PRKAR1A: variants seen among roughly 807,000 people sequenced by gnomAD.
The protein encoded by PRKAR1A is protein kinase cAMP-dependent type I regulatory subunit alpha.
A neutral mutation model predicts 52.0 loss-of-function variants in PRKAR1A; 3 were observed. That is an observed-to-expected ratio of 0.06 (90% CI 0.03 to 0.15). The LOEUF is 0.15. Among genes scored for constraint, PRKAR1A ranks in the 10% least tolerant of loss-of-function variants. PRKAR1A has a pLI of 1.00. For synonymous variants in PRKAR1A, 188 were observed against 168.4 expected (o/e 1.12, Z -0.90); for missense variants, 240 against 477.4 (o/e 0.50, Z 4.63).
At chr17:68,469,897 A>T in the PRKAR1A span, among the ~76,000 whole-genome samples, 1 of 152,184 alleles carries the variant, frequency 6.6e-6, no homozygotes, top group Non-Finnish European at 1.5e-5. Flanking sequence ...TACAAAACAC[A>T]GGGAGAACAG....
the PRKAR1A span, among the ~76,000 whole-genome samples, chr17:68,431,797 T>G: frequency 6.6e-6 from 1 of 152,248 alleles, no homozygotes; most frequent in Admixed American, 6.5e-5. Flanking sequence ...CAGAACAGCT[T>G]GGAGGTTCTG....
At chr17:68,437,947 TTAAAAAAAAA>T in the PRKAR1A span, among the ~76,000 whole-genome samples, 4 of 58,810 alleles carry the variant, frequency 6.8e-5, 1 homozygote, top group South Asian at 1.9e-3. Flanking sequence ...GACATCTCTC[TTAAAAAAAAA>T]AAAAAAAAAA....
At chr17:68,477,054 A>T in the PRKAR1A span, among the ~76,000 whole-genome samples, 1 of 152,186 alleles carries the variant, frequency 6.6e-6, no homozygotes, top group Non-Finnish European at 1.5e-5. Flanking sequence ...TTCATTTACA[A>T]ATTTTTAGAC....
the PRKAR1A span, among the ~76,000 whole-genome samples, chr17:68,418,838 G>A: frequency 7.5e-4 from 114 of 152,152 alleles, 1 homozygote; most frequent in Admixed American, 7.4e-3. Flanking sequence ...TGCTTCTCCT[G>A]AGCAACTGAT....
At chr17:68,542,285 AAAG>A (rs554192643) in intron 11 of PRKAR1A, 132 of 1,077,792 alleles carry the variant, frequency 1.2e-4, no homozygotes, top group Admixed American at 7.9e-4. Flanking sequence ...TCGGGAAGAG[AAAG>A]AAGAAGAAGG....
chr17:68,468,567 C>A, the PRKAR1A span, among the ~76,000 whole-genome samples: 1 of 152,184 alleles, frequency 6.6e-6, no homozygotes, highest in Non-Finnish European at 1.5e-5. Context: ...GGCAAATGCT[C>A]ATTGGCTAAA....
In PRKAR1A at chr17:68,533,123, T is replaced by A; in HGVS notation, c.*2674T>A. ...TTCTAGATTAGCATACTCTTTGGTT[T>A]AAATTTAATATATACATTTAATGTT... On this transcript the variant is annotated 3_prime_UTR_variant, in exon 11 of 11. Transcript: ENST00000589228. The A allele has an allele frequency of 4.7e-6, 5 of 1,062,602 alleles. No homozygotes were observed. The highest frequency in any genetic ancestry group is 5.7e-6 in the Non-Finnish European group (5 of 876,982). 65.8% of individuals were successfully genotyped at this position (1,062,602 alleles called of 1,614,324 possible).
At chr17:68,463,488 A>G in the PRKAR1A span, among the ~76,000 whole-genome samples, 1 of 152,216 alleles carries the variant, frequency 6.6e-6, no homozygotes, top group Non-Finnish European at 1.5e-5. Flanking sequence ...GACGCTGTCC[A>G]AAATAAATAA....
chr17:68,531,661 T>G lies in PRKAR1A; in HGVS notation c.*1212T>G, dbSNP rs8905. Reference sequence around the variant, plus strand: ...AAATTGGTCTGAAAGGCTATCCTGCTGAAAGTCCTGCTTTCCTATCTAGCA... The same window carrying G: ...AAATTGGTCTGAAAGGCTATCCTGCGGAAAGTCCTGCTTTCCTATCTAGCA... On this transcript the variant is annotated 3_prime_UTR_variant, in exon 11 of 11. Coordinates refer to ENST00000589228, the MANE Select transcript of PRKAR1A (RefSeq NM_002734.5). The G allele has an allele frequency of 0.12, 129,850 of 1,066,036 alleles. 8,001 individuals are homozygous for G. Among genetic ancestry groups the G allele is most frequent in the African/African-American group, 0.15 (9,282 of 61,188 alleles). 66.0% of individuals were successfully genotyped at this position (1,066,036 alleles called of 1,614,324 possible).
the PRKAR1A span, among the ~76,000 whole-genome samples, chr17:68,426,940 A>C: frequency 2.0e-4 from 30 of 152,086 alleles, no homozygotes; most frequent in African/African-American, 6.5e-4. Context: ...AAAGGCTATT[A>C]CCATGGCCTC....
chr17:68,450,954 C>T, the PRKAR1A span: 5 of 1,566,600 alleles, frequency 3.2e-6, no homozygotes, highest in South Asian at 6.1e-5. Context: ...AGAAGGATTC[C>T]AGCCTCCATG....
chr17:68,542,660 C>G, intron 11 of PRKAR1A: 1 of 1,545,978 alleles, frequency 6.5e-7, no homozygotes, highest in South Asian at 1.1e-5. Context: ...ACGATCTACT[C>G]AGACCCGGAA....
At chr17:68,528,567 T>C in intron 8 of PRKAR1A, 1 of 354,760 alleles carries the variant, frequency 2.8e-6, no homozygotes, top group Non-Finnish European at 5.2e-6. Context: ...TTGATTTGCA[T>C]TGATGGCAAT....
chr17:68,429,423 G>A, the PRKAR1A span, among the ~76,000 whole-genome samples: 1 of 152,066 alleles, frequency 6.6e-6, no homozygotes, highest in East Asian at 1.9e-4. Context: ...AGATCTGGAG[G>A]CTTTTTACAT....
At chr17:68,488,027 G>A in the PRKAR1A span, among the ~76,000 whole-genome samples, 1 of 152,078 alleles carries the variant, frequency 6.6e-6, no homozygotes, top group Non-Finnish European at 1.5e-5. Context: ...CATGTAATAC[G>A]TCAGATCGTG....
intron 11 of PRKAR1A, among the ~76,000 whole-genome samples, chr17:68,546,568 C>T (rs554504956): frequency 1.7e-4 from 26 of 152,096 alleles, no homozygotes; most frequent in East Asian, 5.8e-4. Flanking sequence ...TGGTGGCTCG[C>T]GCCTATAATC....
At chr17:68,513,491 G>C (rs1486906501) in intron 1 of PRKAR1A, among the ~76,000 whole-genome samples, 2 of 152,186 alleles carry the variant, frequency 1.3e-5, no homozygotes, top group African/African-American at 2.4e-5. Context: ...TAATCCTTTC[G>C]AAACAATTTT....
chr17:68,434,449 G>A, the PRKAR1A span: 1 of 1,089,824 alleles, frequency 9.2e-7, no homozygotes, highest in Non-Finnish European at 1.3e-6. Flanking sequence ...TCCTCCAGGT[G>A]AGTGGAGGGC....
the PRKAR1A span, among the ~76,000 whole-genome samples, chr17:68,434,311 G>A: frequency 2.9e-4 from 44 of 152,160 alleles, no homozygotes; most frequent in African/African-American, 1.1e-3. Flanking sequence ...CTCCTGTGCC[G>A]GCCGCCCACA....
Sources: allele counts gnomAD v4.1 joint callset (sites outside exome capture counted in the v4.1 genomes callset), GRCh38; gene constraint gnomAD v4.1.1; transcripts MANE v1.5; gene names NCBI Gene and HGNC (gene_info 2026-07-23, HGNC 2026-07-21).